Variants in MARK1 observed in about 807,000 individuals in gnomAD.
MARK1 encodes microtubule affinity regulating kinase 1, also known as serine/threonine-protein kinase MARK1.
A neutral mutation model predicts 96.3 loss-of-function variants in MARK1; 40 were observed. The observed-to-expected ratio is 0.42, with a 90% CI of 0.32 to 0.54. The LOEUF is 0.54. Among genes scored for constraint, MARK1 ranks in the 20% least tolerant of loss-of-function variants. MARK1 has a pLI of 0.16. For synonymous variants in MARK1, 317 were observed against 341.2 expected, an observed-to-expected ratio of 0.93 and a Z score of 0.78; for missense variants, 719 against 984.6, an observed-to-expected ratio of 0.73 and a Z score of 3.61.
chr1:220,650,918 A>G (rs1668840397), intron 14 of MARK1, among the ~76,000 whole-genome samples, 198 bp downstream of exon 14: 1 of 152,188 alleles, frequency 6.6e-6, no homozygotes, highest in Non-Finnish European at 1.5e-5. Context: ...GAAAACAAGA[A>G]ACAAATCTCT....
At chr1:220,563,098 T>TC (rs1662783707) in intron 1 of MARK1, among the ~76,000 whole-genome samples, 3 of 152,148 alleles carry the variant, frequency 2.0e-5, no homozygotes, top group Non-Finnish European at 4.4e-5. Context: ...AAAATGTGGT[T>TC]CTTAGTATGG....
At chr1:220,581,018 TA>T in intron 2 of MARK1, 46 bp from the exon 3 acceptor site, 2 of 786,102 alleles carry the variant, frequency 2.5e-6, no homozygotes, top group Admixed American at 3.5e-5. Flanking sequence ...TTTTATTCAT[TA>T]AAATATGCAT....
chr1:220,593,777 C>G (rs1665149530), intron 3 of MARK1, among the ~76,000 whole-genome samples: 2 of 152,134 alleles, frequency 1.3e-5, no homozygotes, highest in Admixed American at 1.3e-4. Flanking sequence ...GGACTACCTG[C>G]TCAGACCAAG....
chr1:220,646,964 T>C (rs1423993039), intron 13 of MARK1, among the ~76,000 whole-genome samples: 1 of 152,168 alleles, frequency 6.6e-6, no homozygotes, highest in Non-Finnish European at 1.5e-5. Flanking sequence ...GAAGAAAATC[T>C]AGGCAATACC....
chr1:220,625,394 C>T (rs1252845167), intron 9 of MARK1, among the ~76,000 whole-genome samples: 1 of 152,152 alleles, frequency 6.6e-6, no homozygotes, highest in Non-Finnish European at 1.5e-5. Flanking sequence ...ATTGAACAAA[C>T]CAGACATGGA....
At chr1:220,591,637 GT>G (rs1285219460) in intron 3 of MARK1, among the ~76,000 whole-genome samples, 8 of 152,100 alleles carry the variant, frequency 5.3e-5, no homozygotes, top group Admixed American at 5.2e-4. Flanking sequence ...AAAAAAGCAG[GT>G]TAAAGTGAGG....
intron 15 of MARK1, among the ~76,000 whole-genome samples, chr1:220,652,456 A>C: frequency 6.6e-6 from 1 of 152,192 alleles, no homozygotes; most frequent in East Asian, 1.9e-4. Flanking sequence ...TATTATTTAA[A>C]CCATACGAAC....
At chr1:220,572,856 C>T (rs969559534) in intron 1 of MARK1, among the ~76,000 whole-genome samples, 4 of 152,056 alleles carry the variant, frequency 2.6e-5, no homozygotes, top group Admixed American at 1.3e-4. Context: ...CAAATTCTTT[C>T]AGTTTTTGTT....
chr1:220,616,030 A>AAT (rs747937415), intron 7 of MARK1, 35 bp downstream of exon 7: 1 of 1,124,052 alleles, frequency 8.9e-7, no homozygotes, highest in Admixed American at 2.0e-5. Context: ...TAAAAAAAAA[A>AAT]TCGTTATTAT....
At chr1:220,601,784 G>A (rs970848840) in intron 5 of MARK1, among the ~76,000 whole-genome samples, 4 of 152,084 alleles carry the variant, frequency 2.6e-5, no homozygotes, top group African/African-American at 9.7e-5. Flanking sequence ...CTAATGAAGG[G>A]GAGTAATGGC....
At chr1:220,646,030 T>C (rs1373753106) in intron 13 of MARK1, among the ~76,000 whole-genome samples, 1 of 152,118 alleles carries the variant, frequency 6.6e-6, no homozygotes, top group African/African-American at 2.4e-5. Context: ...ACCACTCTTA[T>C]ACAACATAGT....
chr1:220,619,263 A>G (rs1434575657), intron 9 of MARK1, among the ~76,000 whole-genome samples: 3 of 152,180 alleles, frequency 2.0e-5, no homozygotes, highest in African/African-American at 4.8e-5. Flanking sequence ...TCACGAGGTC[A>G]GGAGATTGAG....
intron 10 of MARK1, 92 bp from the exon 11 acceptor site, chr1:220,632,109 C>A: frequency 1.8e-6 from 1 of 562,770 alleles, no homozygotes; most frequent in Non-Finnish European, 3.1e-6. Context: ...ACTAAGTTTT[C>A]ATATTCAAAG....
intron 1 of MARK1, among the ~76,000 whole-genome samples, chr1:220,574,706 T>A (rs1663715046): frequency 6.6e-6 from 1 of 152,234 alleles, no homozygotes; most frequent in African/African-American, 2.4e-5. Context: ...ATTATATTTT[T>A]GTCTGCTGAT....
chr1:220,650,372 C>T (rs1668805617), intron 13 of MARK1, among the ~76,000 whole-genome samples: 1 of 152,174 alleles, frequency 6.6e-6, no homozygotes, highest in South Asian at 2.1e-4. Context: ...CCCAGCTCTC[C>T]TATTGCTTCC....
At chr1:220,592,085 C>T (rs921360661) in intron 3 of MARK1, among the ~76,000 whole-genome samples, 3 of 151,778 alleles carry the variant, frequency 2.0e-5, no homozygotes, top group African/African-American at 7.3e-5. Context: ...TTTGAGGCAA[C>T]CCCCATGATT....
chr1:220,659,707 A>T (rs1157087557), intron 17 of MARK1, among the ~76,000 whole-genome samples: 4 of 152,244 alleles, frequency 2.6e-5, no homozygotes, highest in Non-Finnish European at 5.9e-5. Flanking sequence ...TTAAGGTGGA[A>T]TAGAAGGAAA....
chr1:220,603,997 T>C, intron 5 of MARK1, 70 bp from the exon 6 acceptor site: 1 of 917,578 alleles, frequency 1.1e-6, no homozygotes, highest in Non-Finnish European at 1.6e-6. Context: ...AGGAAAAAAC[T>C]TGACATTGCA....
At chr1:220,566,353 A>G (rs558777674) in intron 1 of MARK1, among the ~76,000 whole-genome samples, 3 of 152,302 alleles carry the variant, frequency 2.0e-5, no homozygotes, top group South Asian at 4.1e-4. Context: ...TTAGTCTTGA[A>G]TGATCTATTA....
Sources: gnomAD v4.1 joint callset for allele counts (sites outside exome capture counted in the v4.1 genomes callset) on GRCh38, gnomAD v4.1.1 for gene constraint, MANE v1.5 for transcripts, NCBI Gene and HGNC (gene_info 2026-07-23, HGNC 2026-07-21) for gene names.